The following SFXN5 variants were observed in gnomAD, a reference collection of about 807,000 sequenced individuals.
The protein encoded by SFXN5 is sideroflexin-5.
Under a neutral mutation model 50.2 loss-of-function variants are expected in SFXN5, and 43 were observed. The ratio of observed to expected loss-of-function variants is 0.86; its 90% CI spans 0.67 to 1.11. SFXN5 has a LOEUF of 1.11. SFXN5 is among the 50% of genes least tolerant of loss of function. The pLI is 0.00. For missense variants in SFXN5, 463 were observed against 454.1 expected, an observed-to-expected ratio of 1.02 and a Z score of -0.18; for synonymous variants, 203 against 185.8, an observed-to-expected ratio of 1.09 and a Z score of -0.75.
At chr2:73,064,819 C>T (rs1419065742) in intron 1 of SFXN5, among the ~76,000 whole-genome samples, 1 of 152,234 alleles carries the variant, frequency 6.6e-6, no homozygotes, top group Non-Finnish European at 1.5e-5. Context: ...CACAGTCTCA[C>T]TTTGTCACCC....
At chr2:73,005,116 G>A (rs1674460128) in intron 6 of SFXN5, among the ~76,000 whole-genome samples, 1 of 152,218 alleles carries the variant, frequency 6.6e-6, no homozygotes, top group Non-Finnish European at 1.5e-5. Flanking sequence ...CGCCCAGAAT[G>A]TGGCTGGTAC....
intron 12 of SFXN5, 28 bp downstream of exon 12, chr2:72,968,420 C>T (rs770802121): frequency 1.3e-6 from 2 of 1,595,650 alleles, no homozygotes; most frequent in South Asian, 2.2e-5. Context: ...CCCATGGTGG[C>T]CTCTCCATCC....
intron 10 of SFXN5, among the ~76,000 whole-genome samples, chr2:72,979,581 C>G (rs1052826075): frequency 2.0e-5 from 3 of 152,152 alleles, no homozygotes; most frequent in Non-Finnish European, 2.9e-5. Context: ...TTGCAGTGAG[C>G]CGAGATCATG....
chr2:72,945,142 G>A lies in SFXN5; in HGVS notation c.946-43C>T, dbSNP rs751402368. 1.0e-5 allele frequency: 16 copies of A among 1,580,934 alleles called. No homozygotes were observed. The African/African-American group carries it at 1.5e-4, about 15-fold the overall frequency. ...AGAGGAAAAGTGGGGGAGTGGGAAG[G>A]GGCAAATAGTGGGGCTGGGAGCTGC... On this transcript the variant is annotated intron_variant, in intron 13 of 13. Transcript: ENST00000272433. The surrounding 1 kb of genome is among the most constrained non-coding windows in gnomAD (Gnocchi z 5.8).
intron 6 of SFXN5, among the ~76,000 whole-genome samples, chr2:73,018,181 C>T (rs1417153413): frequency 6.7e-6 from 1 of 149,906 alleles, no homozygotes; most frequent in East Asian, 1.9e-4. Context: ...GCACTCCAGC[C>T]TGGGTGACAG....
intron 12 of SFXN5, among the ~76,000 whole-genome samples, chr2:72,965,217 G>T (rs924951330): frequency 2.0e-5 from 3 of 152,198 alleles, no homozygotes; most frequent in Non-Finnish European, 2.9e-5. Context: ...CACATTGACA[G>T]ACGCCGGCAG....
At chr2:73,047,991 A>G (rs1680735187) in intron 2 of SFXN5, among the ~76,000 whole-genome samples, 1 of 152,238 alleles carries the variant, frequency 6.6e-6, no homozygotes, top group Admixed American at 6.5e-5. Context: ...GTGATGAATT[A>G]TTATGCAGTT....
chr2:73,012,404 T>G (rs1005250924), intron 6 of SFXN5, among the ~76,000 whole-genome samples: 1 of 152,098 alleles, frequency 6.6e-6, no homozygotes, highest in Non-Finnish European at 1.5e-5. Flanking sequence ...TGTATAATTT[T>G]ATAAAATATA....
rs371619538 is a variant in SFXN5 at position 73,030,688 on chromosome 2, T to C, written c.250-7474A>G. 3.9e-5 allele frequency among the ~76,000 whole-genome samples: 6 copies of C among 152,306 alleles called. No individual in the cohort carries two copies. In the East Asian group the frequency reaches 9.7e-4, roughly 25 times the overall value. ...GCTCCTGGAAACCGCGTCTGCTTTC[T>C]GTCTCCACGACATTCACTACACTAG... On this transcript the variant is annotated intron_variant, in intron 3 of 13. Coordinates refer to ENST00000272433, the MANE Select transcript of SFXN5 (RefSeq NM_144579.3).
intron 3 of SFXN5, among the ~76,000 whole-genome samples, chr2:73,029,997 A>G (rs1678092746): frequency 6.6e-6 from 1 of 152,180 alleles, no homozygotes; most frequent in Non-Finnish European, 1.5e-5. Flanking sequence ...GCCTGAGCCC[A>G]GGAAGCAGAG....
At position 72,944,899 on chromosome 2, in the gene SFXN5, C is replaced by T; in HGVS notation, c.*123G>A. 1 of 821,194 alleles carries T rather than the reference C, an allele frequency of 1.2e-6. No homozygotes were observed. Among genetic ancestry groups the T allele is most frequent in the African/African-American group, 1.7e-5 (1 of 58,362 alleles). The allele number at this position is 821,194 out of a possible 1,614,324, so 50.9% of individuals were successfully genotyped here. A position where few individuals can be genotyped will look rare whatever the true frequency, so the allele number is the denominator to read the frequency against. On this transcript the variant is annotated 3_prime_UTR_variant, in exon 14 of 14. Transcript: ENST00000272433. ...CCCTCCACTGTAGGTTGAGCACTCT[C>T]CCAGGGGGCCCAGGACTGCTGGGGT...
At chr2:73,066,780 C>T (rs1160184814) in intron 1 of SFXN5, among the ~76,000 whole-genome samples, 1 of 151,824 alleles carries the variant, frequency 6.6e-6, no homozygotes, top group Non-Finnish European at 1.5e-5. Flanking sequence ...GCAGAACAAT[C>T]ATTAGAGGCC....
chr2:72,981,244 T>G (rs2105518890), intron 10 of SFXN5: 1 of 152,294 alleles, frequency 6.6e-6, no homozygotes, highest in South Asian at 2.1e-4. Context: ...CAGACTCCTT[T>G]GTTCTTGGTG....
At chr2:72,970,368 G>A (rs1314153187) in intron 11 of SFXN5, among the ~76,000 whole-genome samples, 3 of 152,204 alleles carry the variant, frequency 2.0e-5, no homozygotes, top group Non-Finnish European at 4.4e-5. Context: ...AGCAGAGGAT[G>A]CAATGTCGGC....
intron 1 of SFXN5, among the ~76,000 whole-genome samples, chr2:73,064,784 AG>A (rs1683057991): frequency 6.6e-6 from 1 of 152,092 alleles, no homozygotes; most frequent in East Asian, 1.9e-4. Flanking sequence ...CAAAGGAGCA[AG>A]GAATTTTTGT....
intron 9 of SFXN5, among the ~76,000 whole-genome samples, chr2:72,993,592 T>C (rs775302686): frequency 6.6e-5 from 10 of 152,224 alleles, no homozygotes; most frequent in Non-Finnish European, 1.2e-4. Flanking sequence ...ACAGAGCTGC[T>C]TTCTGTGTCT....
intron 5 of SFXN5, among the ~76,000 whole-genome samples, chr2:73,021,796 G>A (rs140617593): frequency 2.0e-5 from 3 of 152,290 alleles, no homozygotes; most frequent in African/African-American, 4.8e-5. Flanking sequence ...AGAAGGAGGC[G>A]TCAGCACACC....
rs1270473418 is a variant in SFXN5, at chr2:73,000,450, G to A, written c.449C>T (p.Ala150Val). 1 of 1,560,294 alleles carries A rather than the reference G, an allele frequency of 6.4e-7. No individual in the cohort carries two copies. The highest frequency in any genetic ancestry group is 1.2e-5 in the South Asian group (1 of 84,768). The change falls in exon 8 of 14, where the codon GCA becomes GTA. Residue 150 changes from alanine to valine, a missense_variant. Ala to Val is a moderately conservative substitution (Grantham distance 64, BLOSUM62 0). Transcript: ENST00000272433. ...NQSHNACVNY[A>V]NRNATKPSPA... ...GCTCACCTTGGTCGCATTGCGGTTT[G>A]CATAGTTGACACAGGCATTGTGGCT...
chr2:72,987,753 C>T (rs935521498), intron 10 of SFXN5, among the ~76,000 whole-genome samples: 11 of 151,904 alleles, frequency 7.2e-5, no homozygotes, highest in African/African-American at 2.7e-4. Context: ...GAAACTCTGA[C>T]TCAAAGAAAA....
Sources: gnomAD v4.1 joint callset for allele counts (sites outside exome capture counted in the v4.1 genomes callset) on GRCh38, gnomAD v4.1.1 for gene constraint, Gnocchi (gnomAD v3.1) non-coding constraint, MANE v1.5 for transcripts, NCBI Gene and HGNC (gene_info 2026-07-23, HGNC 2026-07-21) for gene names.